The following RASL12 variants were observed in gnomAD, a reference collection of about 807,000 sequenced individuals.
RASL12 encodes the protein RAS like family 12, also known as ras-like protein family member 12.
RASL12 carries 16 observed loss-of-function variants against 22.9 expected under a neutral mutation model. That is an observed-to-expected ratio of 0.70 (90% CI 0.47 to 1.06). The LOEUF is 1.06. Ranked by LOEUF, RASL12 falls within the 50% of genes least tolerant of loss-of-function variation. The pLI, the probability that RASL12 is intolerant of heterozygous loss-of-function variation, is 0.00. For missense variants in RASL12, 306 were observed against 353.1 expected (o/e 0.87, Z 1.07); for synonymous variants, 159 against 152.2 (o/e 1.04, Z -0.33).
chr15:65,066,615 A>T (rs567358688), intron 1 of RASL12, among the ~76,000 whole-genome samples: 74 of 152,336 alleles, frequency 4.9e-4, no homozygotes, highest in African/African-American at 1.7e-3. Context: ...ATATTTTAAA[A>T]TTTAAATTCT....
downstream of RASL12, chr15:65,051,592 A>G (rs997163810): frequency 6.2e-7 from 1 of 1,613,298 alleles, no homozygotes; most frequent in Non-Finnish European, 8.5e-7. Context: ...GGGAAGAAGC[A>G]TCCAGGCAAG....
intron 4 of RASL12, among the ~76,000 whole-genome samples, chr15:65,056,455 C>T (rs1427712207): frequency 6.6e-6 from 1 of 152,172 alleles, no homozygotes; most frequent in Non-Finnish European, 1.5e-5. Flanking sequence ...CCAGTAAGCT[C>T]ACCGCTTCCT....
At chr15:65,052,936 C>A, downstream of RASL12, 4 of 1,522,090 alleles carry the variant, frequency 2.6e-6, no homozygotes, top group Non-Finnish European at 3.6e-6. Flanking sequence ...ACTCAGCCCC[C>A]CTCATTAACA....
At chr15:65,048,964 C>A (rs369660595), downstream of RASL12, among the ~76,000 whole-genome samples, 6 of 142,098 alleles carry the variant, frequency 4.2e-5, no homozygotes, top group Non-Finnish European at 7.5e-5. Context: ...GAGCAGAGAT[C>A]GTGCCACTGC....
At chr15:65,064,937 T>C (rs1338170247) in intron 2 of RASL12, among the ~76,000 whole-genome samples, 2 of 152,250 alleles carry the variant, frequency 1.3e-5, no homozygotes, top group African/African-American at 2.4e-5. Flanking sequence ...GCTATGTTTA[T>C]TTTTATTTTT....
At chr15:65,053,311 A>G, downstream of RASL12, 4 of 1,426,214 alleles carry the variant, frequency 2.8e-6, no homozygotes, top group Non-Finnish European at 3.6e-6. Context: ...AGCAGATACA[A>G]TGAATGAACT....
chr15:65,075,290 C>T (rs1211599068), intron 1 of RASL12, among the ~76,000 whole-genome samples: 1 of 152,250 alleles, frequency 6.6e-6, no homozygotes, highest in Non-Finnish European at 1.5e-5. Context: ...TGCAGCCCGC[C>T]ATGCCTGAGC....
At chr15:65,055,679 A>G (rs975069620) in intron 4 of RASL12, among the ~76,000 whole-genome samples, 5 of 152,122 alleles carry the variant, frequency 3.3e-5, no homozygotes, top group Non-Finnish European at 7.4e-5. Flanking sequence ...CTGGGGCAGG[A>G]AACAGGCCAC....
downstream of RASL12, among the ~76,000 whole-genome samples, chr15:65,050,852 TTGCC>T: frequency 4.1e-5 from 6 of 147,512 alleles, no homozygotes; most frequent in East Asian, 2.0e-4. Context: ...TTTTTTTTTT[TTGCC>T]TTTTTTTTGA....
At chr15:65,051,916 CAA>C (rs956549944), downstream of RASL12, among the ~76,000 whole-genome samples, 2 of 152,180 alleles carry the variant, frequency 1.3e-5, no homozygotes, top group Non-Finnish European at 2.9e-5. Flanking sequence ...TGCACCTCAG[CAA>C]AGTCAACTCA....
At chr15:65,049,894 C>T, downstream of RASL12, 1 of 681,338 alleles carries the variant, frequency 1.5e-6, no homozygotes, top group Non-Finnish European at 2.4e-6. Flanking sequence ...GCTTTGTTTC[C>T]AGGGGTCTTC....
At chr15:65,050,219 G>A, downstream of RASL12, 1 of 796,334 alleles carries the variant, frequency 1.3e-6, no homozygotes, top group Non-Finnish European at 2.0e-6. Flanking sequence ...TTTCCTCCAA[G>A]ACAGGGAATC....
chr15:65,052,628 C>T (rs146786668), downstream of RASL12, among the ~76,000 whole-genome samples: 1 of 152,008 alleles, frequency 6.6e-6, no homozygotes, highest in Non-Finnish European at 1.5e-5. Context: ...AACACCTGGC[C>T]TCAAGTGATC....
chr15:65,054,474 C>CCAGGCTGTCATTCCG lies in RASL12; in HGVS notation c.*410_*424dup. On this transcript the variant is annotated 3_prime_UTR_variant, in exon 5 of 5. Transcript: ENST00000220062. ...CCGTCCACCAGGTGGCACAAGGACC[C>CCAGGCTGTCATTCCG]CAGGCTGTCATTCCGCAGGCTGTTC... 1.0e-6 allele frequency: 1 copy of CCAGGCTGTCATTCCG among 997,292 alleles called. No homozygotes were observed. Among genetic ancestry groups the CCAGGCTGTCATTCCG allele is most frequent in the East Asian group, 1.1e-4 (1 of 9,376 alleles). The allele number at this position is 997,292 out of a possible 1,614,324, so 61.8% of individuals were successfully genotyped here. A position where few individuals can be genotyped will look rare whatever the true frequency, so the allele number is the denominator to read the frequency against.
At chr15:65,072,903 G>A (rs767964483), upstream of RASL12, among the ~76,000 whole-genome samples, 2 of 152,116 alleles carry the variant, frequency 1.3e-5, no homozygotes, top group African/African-American at 2.4e-5. Flanking sequence ...TTGGGAGGCC[G>A]AGGTGAGAGG....
At chr15:65,046,027 C>A in the RASL12 span, among the ~76,000 whole-genome samples, 2 of 152,176 alleles carry the variant, frequency 1.3e-5, no homozygotes, top group East Asian at 3.9e-4. Flanking sequence ...TGGCCGGGTG[C>A]GGTGGCTCAT....
chr15:65,046,752 A>G, the RASL12 span, among the ~76,000 whole-genome samples: 1 of 152,098 alleles, frequency 6.6e-6, no homozygotes, highest in Non-Finnish European at 1.5e-5. Context: ...ATCGCTACAA[A>G]AAATACAAAA....
intron 4 of RASL12, among the ~76,000 whole-genome samples, chr15:65,057,590 C>A (rs2086748131): frequency 6.6e-6 from 1 of 152,136 alleles, no homozygotes; most frequent in Non-Finnish European, 1.5e-5. Context: ...ATCCTCTGGC[C>A]CAGTCTCTGA....
At chr15:65,050,179 A>C, downstream of RASL12, 1 of 1,145,974 alleles carries the variant, frequency 8.7e-7, no homozygotes, top group Admixed American at 2.1e-5. Flanking sequence ...AGGTCCTGAC[A>C]CTGTCGTCCC....
Sources: allele counts gnomAD v4.1 joint callset (sites outside exome capture counted in the v4.1 genomes callset), GRCh38; gene constraint gnomAD v4.1.1; transcripts MANE v1.5; gene names NCBI Gene and HGNC (gene_info 2026-07-23, HGNC 2026-07-21).